OTOP3: variants seen among roughly 807,000 people sequenced by gnomAD.
The protein encoded by OTOP3 is proton channel OTOP3.
In OTOP3, 41 loss-of-function variants were observed where a neutral mutation model predicts 50.8. That is an observed-to-expected ratio of 0.81 (90% CI 0.63 to 1.05). The LOEUF (loss-of-function observed/expected upper bound fraction) is 1.05, where lower values mean the gene tolerates loss of function less well. Ranked by LOEUF, OTOP3 falls within the 50% of genes least tolerant of loss-of-function variation. The pLI, the probability that OTOP3 is intolerant of heterozygous loss-of-function variation, is 0.00. For missense variants in OTOP3, 788 were observed against 760.8 expected (o/e 1.04, Z -0.42); for synonymous variants, 320 against 324.4 (o/e 0.99, Z 0.14).
At chr17:74,939,960 G>C (rs2039154509) in intron 1 of OTOP3, among the ~76,000 whole-genome samples, 1 of 151,940 alleles carries the variant, frequency 6.6e-6, no homozygotes, top group East Asian at 1.9e-4. Context: ...TCAGCTTGGA[G>C]TGCAGTGGTC....
chr17:74,947,152 T>G lies in OTOP3; in HGVS notation c.1243T>G (p.Ser415Ala), dbSNP rs747526875. Residue 415 changes from serine to alanine, a missense_variant, in exon 6 of 7, where the codon TCC becomes GCC. Transcript: ENST00000328801. The stretch of plus-strand genomic sequence containing the variant: ...GGGCCAGATGGGCATCGCCTATTTC[T>G]CCATCGTGGCCATTGTGGCCAAGCG... ...ALGQMGIAYF[S>A]IVAIVAKRPH... is the part of the protein sequence containing the mutation. 1.6e-5 allele frequency: 26 copies of G among 1,614,074 alleles called. No individual in the cohort carries two copies. The highest frequency in any genetic ancestry group is 1.7e-6 in the Non-Finnish European group (2 of 1,180,028).
Position 74,941,395 on chromosome 17 carries a change from C to T in OTOP3, c.22C>T (p.Pro8Ser). ...CAGGACCCTTTCTCCATCTCCAGCCCCTGCTGAGGCTACACCCATGCCTTC... is the reference window on the plus strand; with the variant it reads ...CAGGACCCTTTCTCCATCTCCAGCCTCTGCTGAGGCTACACCCATGCCTTC... Reference protein sequence around the residue: MPLPASAPAEATPMPSSE... With the variant: MPLPASASAEATPMPSSE... Residue 8 changes from proline to serine, a missense_variant and splice_region_variant, in exon 2 of 7, where the codon CCT (proline) becomes TCT (serine). Physicochemically the swap from Pro to Ser is moderately conservative, Grantham distance 74. Transcript: ENST00000328801. 6.7e-7 allele frequency: 1 copy of T among 1,497,162 alleles called. No homozygotes were observed. Among genetic ancestry groups the T allele is most frequent in the South Asian group, 1.4e-5 (1 of 73,234 alleles). The allele number at this position is 1,497,162 out of a possible 1,614,324, so 92.7% of individuals were successfully genotyped here.
chr17:74,937,737 T>TG (rs1369186866), intron 1 of OTOP3, among the ~76,000 whole-genome samples: 2 of 152,164 alleles, frequency 1.3e-5, no homozygotes, highest in Non-Finnish European at 2.9e-5. Flanking sequence ...GCACTAGGTT[T>TG]GGGGGGTCCA....
chr17:74,946,972 A>G lies in OTOP3; in HGVS notation c.1063A>G (p.Thr355Ala). ...CCCTGCCATTGCTTGCCAGTACTTC[A>G]CCCTCTACTATGCCTTCTATGTGGC... ...SGPAIACQYFTLYYAFYVAVL... is the reference protein window; with the variant it reads ...SGPAIACQYFALYYAFYVAVL... The change falls in exon 6 of 7, where the codon ACC becomes GCC. Residue 355 changes from threonine to alanine, a missense_variant. Thr to Ala is a moderately conservative substitution (Grantham distance 58). Coordinates refer to ENST00000328801, the MANE Select transcript of OTOP3 (RefSeq NM_001272005.2). 1 of 1,613,456 alleles carries G rather than the reference A, an allele frequency of 6.2e-7. No individual in the cohort carries two copies. The highest frequency in any genetic ancestry group is 8.5e-7 in the Non-Finnish European group (1 of 1,179,992).
In OTOP3 at chr17:74,946,516, C is replaced by T. The variant is rs116629145; in HGVS notation, c.752-145C>T. Reference sequence around the variant, plus strand: ...GGGATTTGTGATCTCTTTGCCTGGGCCTCAGTTTCCACATTGGTAAAATGA... The same window carrying T: ...GGGATTTGTGATCTCTTTGCCTGGGTCTCAGTTTCCACATTGGTAAAATGA... On this transcript the variant is annotated intron_variant, in intron 5 of 6. Coordinates refer to ENST00000328801, the MANE Select transcript of OTOP3 (RefSeq NM_001272005.2). 3.0e-3 allele frequency: 1,950 copies of T among 652,428 alleles called. 36 individuals carry two copies. In the African/African-American group the frequency reaches 0.031, roughly 11 times the overall value. The allele number at this position is 652,428 out of a possible 1,614,324, so 40.4% of individuals were successfully genotyped here. A position where few individuals can be genotyped will look rare whatever the true frequency, so the allele number is the denominator to read the frequency against.
chr17:74,941,050 G>C lies in OTOP3; in HGVS notation c.20-343G>C, dbSNP rs145116297. On this transcript the variant is annotated intron_variant, in intron 1 of 6. Transcript: ENST00000328801. ...CACCGCTGCCTTTTCATGGCAAAAA[G>C]TCACAGCCCTAGAAACTGACCAGGC... Among the ~76,000 whole-genome samples the C allele has an allele frequency of 1.8e-3, 275 of 152,294 alleles. 1 individual carries two copies. Among genetic ancestry groups the C allele is most frequent in the African/African-American group, 6.4e-3 (266 of 41,556 alleles).
intron 1 of OTOP3, among the ~76,000 whole-genome samples, chr17:74,938,131 T>C (rs1432609221): frequency 6.6e-6 from 1 of 152,048 alleles, no homozygotes; most frequent in African/African-American, 2.4e-5. Flanking sequence ...GAAAATCATT[T>C]ATAGAATCTT....
rs1454823411 is a variant in OTOP3 at position 74,943,738 on chromosome 17, AC to A, written c.751+16del. On this transcript the variant is annotated intron_variant, in intron 5 of 6. Transcript: ENST00000328801. Reference sequence around the variant, plus strand: ...AAAAATCCACAGGTATGGAAAGGAGACCAGGTCTTCCTTGCCCTGAAACACA... The same window carrying A: ...AAAAATCCACAGGTATGGAAAGGAGACAGGTCTTCCTTGCCCTGAAACACA... 1 of 1,560,800 alleles carries A rather than the reference AC, an allele frequency of 6.4e-7. No homozygotes were observed. Among genetic ancestry groups the A allele is most frequent in the South Asian group, 1.1e-5 (1 of 89,984 alleles).
At chr17:74,948,961 C>T (rs2039255264) in intron 6 of OTOP3, among the ~76,000 whole-genome samples, 1 of 152,234 alleles carries the variant, frequency 6.6e-6, no homozygotes, top group South Asian at 2.1e-4. Flanking sequence ...CCTGCTTCTC[C>T]CCACACGTGG....
chr17:74,937,717 T>C (rs1282274065), intron 1 of OTOP3, among the ~76,000 whole-genome samples: 1 of 152,152 alleles, frequency 6.6e-6, no homozygotes, highest in African/African-American at 2.4e-5. Flanking sequence ...ACTGGGTGAA[T>C]GTCACATCTG....
intron 1 of OTOP3, among the ~76,000 whole-genome samples, chr17:74,938,991 G>A (rs1170494360): frequency 1.3e-5 from 2 of 150,630 alleles, no homozygotes. Context: ...AACATAACGT[G>A]ACCCTGTCTC....
chr17:74,946,782 T>C lies in OTOP3; in HGVS notation c.873T>C (p.Phe291=). 1 of 1,612,878 alleles carries C rather than the reference T, an allele frequency of 6.2e-7. No homozygotes were observed. The highest frequency in any genetic ancestry group is 8.5e-7 in the Non-Finnish European group (1 of 1,180,028). Residue 291 remains phenylalanine, a synonymous_variant, in exon 6 of 7, where the codon TTT becomes TTC. Transcript: ENST00000328801. ...GCCTCATCTGCTGTGCTGTGCTGTT[T>C]GTCATGTGGAAGAACGTGGGCCGCC... ...EYCLICCAVL[F]VMWKNVGRHV... is the part of the protein sequence containing the mutation.
At chr17:74,949,063 G>A (rs2039256795) in intron 6 of OTOP3, among the ~76,000 whole-genome samples, 183 bp from the exon 7 acceptor site, 1 of 152,284 alleles carries the variant, frequency 6.6e-6, no homozygotes, top group Non-Finnish European at 1.5e-5. Flanking sequence ...GCCTTCTGCA[G>A]TAGGGCGAGA....
At chr17:74,939,477 C>T (rs1050109376) in intron 1 of OTOP3, among the ~76,000 whole-genome samples, 1 of 152,078 alleles carries the variant, frequency 6.6e-6, no homozygotes, top group African/African-American at 2.4e-5. Flanking sequence ...ACCAGGAGAG[C>T]ACCCAGAAGC....
chr17:74,946,545 G>A, intron 5 of OTOP3, 116 bp from the exon 6 acceptor site: 1 of 844,860 alleles, frequency 1.2e-6, no homozygotes, highest in Non-Finnish European at 1.8e-6. Context: ...AAAATGAGCG[G>A]CTGGGTCGCT....
In OTOP3 at chr17:74,947,363, G is replaced by A. The variant is rs553737863; in HGVS notation, c.1454G>A (p.Gly485Asp). The A allele has an allele frequency of 1.2e-6, 2 of 1,613,038 alleles. No individual in the cohort carries two copies. The highest frequency in any genetic ancestry group is 1.7e-5 in the Admixed American group (1 of 60,028). Residue 485 changes from glycine to aspartate, a missense_variant, in exon 6 of 7, where the codon GGC (glycine) becomes GAC (aspartate). Coordinates refer to ENST00000328801, the MANE Select transcript of OTOP3 (RefSeq NM_001272005.2). The stretch of plus-strand genomic sequence containing the variant: ...CGCAGAGGCTCCTTGCTGGAGCTGG[G>A]CCAGGGCCTGCAGCGGGCCTCACTG... ...PPRRGSLLELGQGLQRASLAY... is the reference protein window; with the variant it reads ...PPRRGSLLELDQGLQRASLAY...
chr17:74,949,145 TG>T, intron 6 of OTOP3, 100 bp from the exon 7 acceptor site: 1 of 1,184,464 alleles, frequency 8.4e-7, no homozygotes, highest in East Asian at 2.4e-5. Flanking sequence ...GAGGTGGGGG[TG>T]GCACTGGAGG....
At chr17:74,940,132 CAT>C (rs59389129) in intron 1 of OTOP3, among the ~76,000 whole-genome samples, 1,678 of 118,176 alleles carry the variant, frequency 0.014, 31 homozygotes, top group African/African-American at 0.049. Context: ...CACACACACA[CAT>C]ACATATATAC....
chr17:74,935,854 C>G (rs538667584), upstream of OTOP3: 268 of 1,533,886 alleles, frequency 1.7e-4, 3 homozygotes, highest in African/African-American at 3.0e-3. Context: ...GGGAGGGCGT[C>G]GCGGGCATCG....
Sources: allele counts gnomAD v4.1 joint callset (sites outside exome capture counted in the v4.1 genomes callset), GRCh38; gene constraint gnomAD v4.1.1; transcripts MANE v1.5; gene names NCBI Gene and HGNC (gene_info 2026-07-23, HGNC 2026-07-21).